Variants in RPS23 observed in about 807,000 individuals in gnomAD.
RPS23 encodes the protein ribosomal protein S23, also known as small ribosomal subunit protein uS12.
For missense variants in RPS23, 73 were observed against 174.5 expected (o/e 0.42, Z 3.28); for synonymous variants, 66 against 60.4 (o/e 1.09, Z -0.43).
chr5:82,275,871 T>G lies in RPS23; in HGVS notation c.*238A>C. On this transcript the variant is annotated 3_prime_UTR_variant, in exon 4 of 4. Coordinates refer to ENST00000296674, the MANE Select transcript of RPS23 (RefSeq NM_001025.5). ...TATCCCATTTTCTTATTCCACAGGA[T>G]GAGGGAAACTGTGCCAGGTTACAAA... 2 of 489,070 alleles carry G rather than the reference T, an allele frequency of 4.1e-6. No homozygotes were observed. The highest frequency in any genetic ancestry group is 3.6e-6 in the Non-Finnish European group (1 of 275,600). The allele number at this position is 489,070 out of a possible 1,614,324, so 30.3% of individuals were successfully genotyped here. A position where few individuals can be genotyped will look rare whatever the true frequency, so the allele number is the denominator to read the frequency against.
chr5:82,274,975 T>C lies in RPS23; in HGVS notation c.*1134A>G. Reference sequence around the variant, plus strand: ...CCTGAGGCTGGATATGGAACCCAAGTTTGAGGATGACCAACTGAGACCAGT... The same window carrying C: ...CCTGAGGCTGGATATGGAACCCAAGCTTGAGGATGACCAACTGAGACCAGT... On this transcript the variant is annotated 3_prime_UTR_variant, in exon 4 of 4. Transcript: ENST00000296674. The C allele has an allele frequency of 4.1e-6, 2 of 489,092 alleles. No homozygotes were observed. Among genetic ancestry groups the C allele is most frequent in the Admixed American group, 6.9e-5 (2 of 28,830 alleles). The allele number at this position is 489,092 out of a possible 1,614,324, so 30.3% of individuals were successfully genotyped here. A position where few individuals can be genotyped will look rare whatever the true frequency, so the allele number is the denominator to read the frequency against.
At chr5:82,276,295 G>T in intron 3 of RPS23, 40 bp from the exon 4 acceptor site, 1 of 1,612,406 alleles carries the variant, frequency 6.2e-7, no homozygotes, top group Non-Finnish European at 8.5e-7. Context: ...TGTTGGTGGC[G>T]ATCACAAAAA....
rs1313415503 is a variant in RPS23, at chr5:82,275,157, T to C, written c.*952A>G. The stretch of plus-strand genomic sequence containing the variant: ...CAAACCAATTGTTTTCCAAAGATCC[T>C]AAACAATGTAAAGCTAGGCTTTGAT... On this transcript the variant is annotated 3_prime_UTR_variant, in exon 4 of 4. Coordinates refer to ENST00000296674, the MANE Select transcript of RPS23 (RefSeq NM_001025.5). 4.3e-6 allele frequency: 3 copies of C among 696,506 alleles called. No individual in the cohort carries two copies. The highest frequency in any genetic ancestry group is 7.9e-6 in the Non-Finnish European group (3 of 381,844). 43.1% of individuals were successfully genotyped at this position (696,506 alleles called of 1,614,324 possible).
chr5:82,275,835 T>A lies in RPS23; in HGVS notation c.*274A>T. ...AAGTAATACTACAATACTGCACATT[T>A]ATTCCAGATCTATCCCATTTTCTTA... On this transcript the variant is annotated 3_prime_UTR_variant, in exon 4 of 4. Transcript: ENST00000296674. 2.4e-6 allele frequency: 1 copy of A among 414,716 alleles called. No individual in the cohort carries two copies. The highest frequency in any genetic ancestry group is 4.1e-5 in the East Asian group (1 of 24,188). 25.7% of individuals were successfully genotyped at this position (414,716 alleles called of 1,614,324 possible).
chr5:82,277,756 G>A lies in RPS23; in HGVS notation c.101C>T (p.Thr34Ile). 1 of 1,613,978 alleles carries A rather than the reference G, an allele frequency of 6.2e-7. No individual in the cohort carries two copies. The highest frequency in any genetic ancestry group is 8.5e-7 in the Non-Finnish European group (1 of 1,179,834). The part of the protein sequence containing the change: ...DKQYKKAHLG[T>I]ALKANPFGGA... ...TCCAAAAGGGTTGGCCTTTAGGGCT[G>A]TGCCCAAATGAGCTTTCTTATACTG... The change falls in exon 2 of 4, where the codon ACA (threonine) becomes ATA (isoleucine). Residue 34 changes from threonine to isoleucine, a missense_variant. Coordinates refer to ENST00000296674, the MANE Select transcript of RPS23 (RefSeq NM_001025.5).
rs1225431251 is a variant in RPS23 at position 82,275,054 on chromosome 5, T to C, written c.*1055A>G. 1.7e-5 allele frequency: 10 copies of C among 590,802 alleles called. No homozygotes were observed. The highest frequency in any genetic ancestry group is 3.0e-5 in the Non-Finnish European group (10 of 331,678). 36.6% of individuals were successfully genotyped at this position (590,802 alleles called of 1,614,324 possible). A position where few individuals can be genotyped will look rare whatever the true frequency, so the allele number is the denominator to read the frequency against. ...GAAATGGCAGGCTAAGGCTGGAATA[T>C]GCAGGTATGAAGCGCAACCTGGGTT... On this transcript the variant is annotated 3_prime_UTR_variant, in exon 4 of 4. Transcript: ENST00000296674.
At chr5:82,276,721 A>C in intron 2 of RPS23, 1 of 635,442 alleles carries the variant, frequency 1.6e-6, no homozygotes, top group Non-Finnish European at 2.7e-6. Context: ...GACCTTTTAC[A>C]GTTATAAAAG....
At position 82,277,634 on chromosome 5, in the gene RPS23, T is replaced by TA; in HGVS notation, c.164+58dup. 3 of 1,520,066 alleles carry TA rather than the reference T, an allele frequency of 2.0e-6. No homozygotes were observed. The South Asian group carries it at 3.4e-5, about 17-fold the overall frequency. 94.2% of individuals were successfully genotyped at this position (1,520,066 alleles called of 1,614,324 possible). On this transcript the variant is annotated intron_variant, in intron 2 of 3. Transcript: ENST00000296674. ...CAATTACTTTCAAAACAAGAATTCG[T>TA]AAGTTCATGTCTCGAATTCCTATAA...
chr5:82,277,599 C>A, intron 2 of RPS23, 94 bp downstream of exon 2: 1 of 1,298,804 alleles, frequency 7.7e-7, no homozygotes, highest in Admixed American at 1.7e-5. Context: ...TACTACTACA[C>A]AAAAACCTGC....
In RPS23 at chr5:82,273,474, A is replaced by C. The variant is rs3738; in HGVS notation, c.*2635T>G. ...CGTGATTGATTGAGCAATCTAGGGG[A>C]TATGTGACAGGGGTTTCATGCACTG... is the stretch of plus-strand genomic sequence containing the variant. On this transcript the variant is annotated 3_prime_UTR_variant, in exon 4 of 4. Coordinates refer to ENST00000296674, the MANE Select transcript of RPS23 (RefSeq NM_001025.5). 47,696 of 148,594 alleles carry C rather than the reference A, an allele frequency of 0.32. 9,960 individuals are homozygous for C. The highest frequency in any genetic ancestry group is 0.44 in the African/African-American group (16,646 of 38,234). 9.2% of individuals were successfully genotyped at this position (148,594 alleles called of 1,614,324 possible).
intron 1 of RPS23, 63 bp from the exon 2 acceptor site, chr5:82,277,915 A>C (rs1449431389): frequency 7.0e-7 from 1 of 1,422,382 alleles, no homozygotes; most frequent in Non-Finnish European, 9.8e-7. Flanking sequence ...CCCATCTTCT[A>C]AGACACTCGC....
rs1747743197 is a variant in RPS23 at position 82,275,074 on chromosome 5, T to C, written c.*1035A>G. On this transcript the variant is annotated 3_prime_UTR_variant, in exon 4 of 4. Transcript: ENST00000296674. Reference sequence around the variant, plus strand: ...GAATATGCAGGTATGAAGCGCAACCTGGGTTCTTCTGTGCCATGTGAAAGG... The same window carrying C: ...GAATATGCAGGTATGAAGCGCAACCCGGGTTCTTCTGTGCCATGTGAAAGG... 8.2e-6 allele frequency: 5 copies of C among 606,132 alleles called. No homozygotes were observed. Among genetic ancestry groups the C allele is most frequent in the Non-Finnish European group, 1.5e-5 (5 of 339,960 alleles). 37.5% of individuals were successfully genotyped at this position (606,132 alleles called of 1,614,324 possible).
chr5:82,274,652 T>G lies in RPS23; in HGVS notation c.*1457A>C, dbSNP rs1191222146. The G allele has an allele frequency of 1.3e-5, 2 of 152,648 alleles. No homozygotes were observed. The highest frequency in any genetic ancestry group is 2.9e-5 in the Non-Finnish European group (2 of 68,348). 9.5% of individuals were successfully genotyped at this position (152,648 alleles called of 1,614,324 possible). A position where few individuals can be genotyped will look rare whatever the true frequency, so the allele number is the denominator to read the frequency against. ...GAATCGCGCTGCAACCGCGGCCTCT[T>G]TCCCTGGTTCTGGCCAGGTGAGCGA... is the stretch of plus-strand genomic sequence containing the variant. On this transcript the variant is annotated 3_prime_UTR_variant, in exon 4 of 4. Coordinates refer to ENST00000296674, the MANE Select transcript of RPS23 (RefSeq NM_001025.5).
At chr5:82,276,576 A>G (rs1747780372) in intron 2 of RPS23, 58 bp from the exon 3 acceptor site, 3 of 1,600,516 alleles carry the variant, frequency 1.9e-6, no homozygotes, top group African/African-American at 1.3e-5. Context: ...TTATCTTTTC[A>G]TATTAACTAG....
rs570996676 is a variant in RPS23, at chr5:82,275,548, A to G, written c.*561T>C. On this transcript the variant is annotated 3_prime_UTR_variant, in exon 4 of 4. Transcript: ENST00000296674. ...ATGCCTGTATTCTCCTAAACACATT[A>G]ATGTAGACACATTACAACACAGATC... is the stretch of plus-strand genomic sequence containing the variant. 4 of 548,772 alleles carry G rather than the reference A, an allele frequency of 7.3e-6. No homozygotes were observed. The African/African-American group carries it at 7.5e-5, about 10-fold the overall frequency. The allele number at this position is 548,772 out of a possible 1,614,324, so 34.0% of individuals were successfully genotyped here.
chr5:82,275,412 T>C lies in RPS23; in HGVS notation c.*697A>G. The C allele has an allele frequency of 1.5e-6, 1 of 679,232 alleles. No individual in the cohort carries two copies. The highest frequency in any genetic ancestry group is 2.1e-5 in the Admixed American group (1 of 48,080). The allele number at this position is 679,232 out of a possible 1,614,324, so 42.1% of individuals were successfully genotyped here. On this transcript the variant is annotated 3_prime_UTR_variant, in exon 4 of 4. Transcript: ENST00000296674. ...ACCACTTCATTTGCTGACTAGTCTT[T>C]GAAGACATGAAGGTCTCTGACAACC...
chr5:82,275,250 A>G lies in RPS23; in HGVS notation c.*859T>C. ...TTTCTTACATCAGATTTAAAGCAGA[A>G]GGCTCACAGCTTCATTTCAACCATG... is the stretch of plus-strand genomic sequence containing the variant. On this transcript the variant is annotated 3_prime_UTR_variant, in exon 4 of 4. Coordinates refer to ENST00000296674, the MANE Select transcript of RPS23 (RefSeq NM_001025.5). 1.4e-6 allele frequency: 1 copy of G among 702,646 alleles called. No individual in the cohort carries two copies. Among genetic ancestry groups the G allele is most frequent in the Non-Finnish European group, 2.6e-6 (1 of 385,006 alleles). The allele number at this position is 702,646 out of a possible 1,614,324, so 43.5% of individuals were successfully genotyped here. A position where few individuals can be genotyped will look rare whatever the true frequency, so the allele number is the denominator to read the frequency against.
intron 1 of RPS23, 107 bp downstream of exon 1, chr5:82,278,213 G>C: frequency 8.9e-7 from 1 of 1,125,588 alleles, no homozygotes; most frequent in South Asian, 1.4e-5. Flanking sequence ...CTCCCCCATG[G>C]AGCCTCTCCA....
chr5:82,276,017 CA>C lies in RPS23; in HGVS notation c.*91del. On this transcript the variant is annotated 3_prime_UTR_variant, in exon 4 of 4. Transcript: ENST00000296674. ...AAGGGGGGGTGGTGGTGGTAATGAA[CA>C]TGATCTTCGTGGTGAGAACAGGGGA... The C allele has an allele frequency of 1.6e-6, 2 of 1,243,056 alleles. No homozygotes were observed. The highest frequency in any genetic ancestry group is 2.3e-6 in the Non-Finnish European group (2 of 885,764). 77.0% of individuals were successfully genotyped at this position (1,243,056 alleles called of 1,614,324 possible). A position where few individuals can be genotyped will look rare whatever the true frequency, so the allele number is the denominator to read the frequency against.
Sources: allele counts gnomAD v4.1 joint callset, GRCh38; gene constraint gnomAD v4.1.1; transcripts MANE v1.5; gene names NCBI Gene and HGNC (gene_info 2026-07-23, HGNC 2026-07-21).